Variants in CYP2C19 observed in about 807,000 individuals in gnomAD.
CYP2C19 encodes cytochrome P450 2C19.
In CYP2C19, 59 loss-of-function variants were observed where a neutral mutation model predicts 40.9. The observed-to-expected ratio is 1.44, with a 90% CI of 1.17 to 1.79. CYP2C19 has a LOEUF of 1.79. Among genes scored for constraint, CYP2C19 ranks in the 40% most tolerant of loss-of-function variants. The pLI, the probability that CYP2C19 is intolerant of heterozygous loss-of-function variation, is 0.00. For missense variants in CYP2C19, 754 were observed against 596.9 expected, an observed-to-expected ratio of 1.26 and a Z score of -2.74; for synonymous variants, 253 against 208.7, an observed-to-expected ratio of 1.21 and a Z score of -1.83.
At chr10:94,826,313 T>C (rs1849220719) in intron 6 of CYP2C19, among the ~76,000 whole-genome samples, 1 of 152,176 alleles carries the variant, frequency 6.6e-6, no homozygotes, top group African/African-American at 2.4e-5. Flanking sequence ...TTCCATTTGT[T>C]TGTATCCTCT....
At chr10:94,779,687 A>G (rs1206576887) in intron 3 of CYP2C19, among the ~76,000 whole-genome samples, 1 of 151,260 alleles carries the variant, frequency 6.6e-6, no homozygotes, top group East Asian at 1.9e-4. Flanking sequence ...CAGCCTCCCA[A>G]GTAGCTGGGA....
chr10:94,835,566 C>T (rs188835903), intron 6 of CYP2C19, among the ~76,000 whole-genome samples: 35 of 152,114 alleles, frequency 2.3e-4, no homozygotes, highest in South Asian at 1.2e-3. Flanking sequence ...ATCTGCTTGG[C>T]GGTTCCCTTC....
intron 5 of CYP2C19, among the ~76,000 whole-genome samples, chr10:94,786,044 TC>T (rs1848535737): frequency 6.6e-6 from 1 of 151,874 alleles, no homozygotes. Context: ...TCCGCCTCCT[TC>T]CCCCTCTTTG....
chr10:94,841,729 T>C (rs1474142250), intron 6 of CYP2C19, among the ~76,000 whole-genome samples: 1 of 152,216 alleles, frequency 6.6e-6, no homozygotes, highest in Non-Finnish European at 1.5e-5. Flanking sequence ...CTGAATTTCC[T>C]TTTTAATCTC....
chr10:94,775,620 G>A, intron 3 of CYP2C19, 81 bp downstream of exon 3: 3 of 1,608,330 alleles, frequency 1.9e-6, no homozygotes, highest in Non-Finnish European at 2.6e-6. Context: ...TTTCAGGGGT[G>A]GCCAGATCTT....
intron 7 of CYP2C19, among the ~76,000 whole-genome samples, chr10:94,848,738 C>T (rs1849609023): frequency 6.6e-6 from 1 of 152,224 alleles, no homozygotes; most frequent in East Asian, 1.9e-4. Context: ...TTGTTTGTAT[C>T]CTCTTTTATT....
chr10:94,806,465 G>A lies in CYP2C19; in HGVS notation c.820-14031G>A, dbSNP rs760071418. On this transcript the variant is annotated intron_variant, in intron 5 of 8. Transcript: ENST00000371321. ...TGTGGTAATTCTATTTCTAATTCTC[G>A]AACGTCTTAATGTTTTTCTTAACAG... Among the ~76,000 whole-genome samples, 64 of 151,858 alleles carry A rather than the reference G, an allele frequency of 4.2e-4. 1 individual carries two copies. Among genetic ancestry groups the A allele is most frequent in the Non-Finnish European group, 8.5e-4 (58 of 67,936 alleles).
intron 6 of CYP2C19, among the ~76,000 whole-genome samples, chr10:94,835,394 C>G (rs533203900): frequency 1.3e-5 from 2 of 152,114 alleles, no homozygotes; most frequent in African/African-American, 4.8e-5. Context: ...TGGTGGCTAG[C>G]CATCCCGAGG....
intron 1 of CYP2C19, among the ~76,000 whole-genome samples, chr10:94,773,272 C>T (rs186802210): frequency 6.6e-6 from 1 of 152,176 alleles, no homozygotes; most frequent in South Asian, 2.1e-4. Context: ...TCACTGACTT[C>T]AAGAATGAAG....
intron 6 of CYP2C19, among the ~76,000 whole-genome samples, chr10:94,826,879 A>AT (rs1433368490): frequency 6.6e-6 from 1 of 152,094 alleles, no homozygotes; most frequent in Admixed American, 6.5e-5. Context: ...GGGCTGTTGA[A>AT]TTTTGTCAAA....
intron 5 of CYP2C19, among the ~76,000 whole-genome samples, chr10:94,786,174 G>A (rs1841595744): frequency 1.3e-5 from 2 of 151,978 alleles, no homozygotes; most frequent in South Asian, 2.1e-4. Flanking sequence ...CCTGGGGTAC[G>A]ATGACAAACC....
intron 5 of CYP2C19, among the ~76,000 whole-genome samples, chr10:94,788,076 C>T (rs1406784507): frequency 1.3e-5 from 2 of 151,642 alleles, no homozygotes; most frequent in Admixed American, 6.6e-5. Context: ...TTGTAGAGAC[C>T]GTTTGCCCCT....
intron 5 of CYP2C19, among the ~76,000 whole-genome samples, chr10:94,808,760 C>T (rs531838439): frequency 4.6e-5 from 7 of 152,088 alleles, no homozygotes; most frequent in South Asian, 2.1e-4. Context: ...TGCAAATGAC[C>T]GAATCTCATT....
At chr10:94,852,639 T>C (rs1849670705) in intron 8 of CYP2C19, 94 bp from the exon 9 acceptor site, 11 of 1,375,808 alleles carry the variant, frequency 8.0e-6, no homozygotes, top group South Asian at 1.2e-5. Flanking sequence ...GAACAGTTCT[T>C]GCATATTCTG....
chr10:94,828,685 T>G (rs1849272995), intron 6 of CYP2C19, among the ~76,000 whole-genome samples: 1 of 150,904 alleles, frequency 6.6e-6, no homozygotes, highest in African/African-American at 2.4e-5. Context: ...TATTGTTATG[T>G]GTGAATTTGA....
chr10:94,794,035 TA>T (rs1457099560), intron 5 of CYP2C19, among the ~76,000 whole-genome samples: 2 of 152,098 alleles, frequency 1.3e-5, no homozygotes, highest in Non-Finnish European at 2.9e-5. Flanking sequence ...GCTGCTTTGT[TA>T]ACCTACTCAA....
intron 6 of CYP2C19, among the ~76,000 whole-genome samples, chr10:94,840,618 G>A (rs1415529213): frequency 1.3e-5 from 2 of 152,200 alleles, no homozygotes; most frequent in East Asian, 3.9e-4. Flanking sequence ...GGACCCAGGA[G>A]GTATGGGTCA....
At chr10:94,789,909 C>T (rs1848585135) in intron 5 of CYP2C19, among the ~76,000 whole-genome samples, 1 of 152,088 alleles carries the variant, frequency 6.6e-6, no homozygotes. Context: ...ATGGGGATGG[C>T]ATTGAATCTA....
intron 7 of CYP2C19, among the ~76,000 whole-genome samples, chr10:94,849,553 C>T (rs1361554689): frequency 6.6e-6 from 1 of 151,448 alleles, no homozygotes. Flanking sequence ...CATATGTATA[C>T]ATGTGCCATA....
Sources: gnomAD v4.1 joint callset for allele counts (sites outside exome capture counted in the v4.1 genomes callset) on GRCh38, gnomAD v4.1.1 for gene constraint, MANE v1.5 for transcripts, NCBI Gene and HGNC (gene_info 2026-07-23, HGNC 2026-07-21) for gene names.